Variants in FGFR2 observed in about 807,000 individuals in gnomAD.
FGFR2 encodes fibroblast growth factor receptor 2, also known as BEK fibroblast growth factor receptor.
Under a neutral mutation model 95.9 loss-of-function variants are expected in FGFR2, and 19 were observed. The observed-to-expected ratio is 0.20, with a 90% CI of 0.14 to 0.29. The LOEUF (loss-of-function observed/expected upper bound fraction) is 0.29, where lower values mean the gene tolerates loss of function less well. Among genes scored for constraint, FGFR2 ranks in the 10% least tolerant of loss-of-function variants. The pLI is 1.00. For synonymous variants in FGFR2, 392 were observed against 393.3 expected (o/e 1.00, Z 0.04); for missense variants, 707 against 1,056.9 (o/e 0.67, Z 4.59).
rs780299909 is a variant in FGFR2, at chr10:121,564,491, C to G, written c.454+11G>C. On this transcript the variant is annotated intron_variant, in intron 4 of 17. Transcript: ENST00000358487. ...TCTCTCGGGGACCATCGGAGCCGGGCAGTTACTTACTCTTGTTGTTACTGT... is the reference window on the plus strand; with the variant it reads ...TCTCTCGGGGACCATCGGAGCCGGGGAGTTACTTACTCTTGTTGTTACTGT... 3 of 1,612,712 alleles carry G rather than the reference C, an allele frequency of 1.9e-6. No homozygotes were observed. The highest frequency in any genetic ancestry group is 1.7e-6 in the Non-Finnish European group (2 of 1,178,978).
intron 1 of FGFR2, among the ~76,000 whole-genome samples, chr10:121,597,516 G>A (rs968644589): frequency 6.6e-6 from 1 of 152,154 alleles, no homozygotes; most frequent in African/African-American, 2.4e-5. Context: ...TCCCGAAAAA[G>A]GGGTCTCCGC....
chr10:121,543,332 A>T (rs1430825812), intron 5 of FGFR2, among the ~76,000 whole-genome samples: 2 of 152,194 alleles, frequency 1.3e-5, no homozygotes, highest in East Asian at 3.9e-4. Flanking sequence ...CAACATGGTG[A>T]AACTCTGTCT....
At chr10:121,565,817 T>C in intron 2 of FGFR2, 113 bp from the exon 3 acceptor site, 1 of 1,333,384 alleles carries the variant, frequency 7.5e-7, no homozygotes, top group Non-Finnish European at 1.1e-6. Context: ...CTGTTCTTGC[T>C]CTGCAAATGG....
At position 121,593,837 on chromosome 10, in the gene FGFR2, G is replaced by A. The variant is rs759620495; in HGVS notation, c.-20C>T. 2.4e-5 allele frequency: 38 copies of A among 1,605,686 alleles called. No individual in the cohort carries two copies. Among genetic ancestry groups the A allele is most frequent in the South Asian group, 2.1e-4 (19 of 90,880 alleles). On this transcript the variant is annotated 5_prime_UTR_variant, in exon 2 of 18. Coordinates refer to ENST00000358487, the MANE Select transcript of FGFR2 (RefSeq NM_000141.5). ...GACCATGGTTACGGTACCAATCCCC[G>A]GTCCTCTTCCATATCTCCATGTGGA... is the stretch of plus-strand genomic sequence containing the variant.
intron 2 of FGFR2, among the ~76,000 whole-genome samples, chr10:121,588,334 C>T (rs1219645): frequency 1 from 151,408 of 152,044 alleles, 75,392 homozygotes; most frequent in Middle Eastern, 1. Flanking sequence ...ATCTGTACAA[C>T]GAACCCCCAT....
At chr10:121,592,525 G>A (rs919259235) in intron 2 of FGFR2, among the ~76,000 whole-genome samples, 7 of 152,058 alleles carry the variant, frequency 4.6e-5, no homozygotes, top group African/African-American at 4.8e-5. Context: ...TAAGTGCTTC[G>A]GTCCTCATCC....
rs41295555 is a variant in FGFR2, at chr10:121,518,997, G to A, written c.939+982C>T. On this transcript the variant is annotated intron_variant, in intron 7 of 17. Coordinates refer to ENST00000358487, the MANE Select transcript of FGFR2 (RefSeq NM_000141.5). The surrounding 1 kb of genome is among the most constrained non-coding windows in gnomAD (Gnocchi z 4.0). ...CAAAATCAGTCCAGTGGTGGACAAC[G>A]GAAAGACCTGGTGGAGAGAAGGGCA... Among the ~76,000 whole-genome samples the A allele has an allele frequency of 6.7e-3, 1,015 of 152,300 alleles. 11 individuals are homozygous for A. Among genetic ancestry groups the A allele is most frequent in the African/African-American group, 0.023 (974 of 41,554 alleles).
intron 2 of FGFR2, among the ~76,000 whole-genome samples, chr10:121,586,031 C>A (rs1861770437): frequency 6.6e-6 from 1 of 152,122 alleles, no homozygotes; most frequent in East Asian, 1.9e-4. Context: ...TTATAGTACA[C>A]CCCCCTGAGC....
intron 4 of FGFR2, among the ~76,000 whole-genome samples, chr10:121,556,526 A>C (rs1166145149): frequency 6.6e-6 from 1 of 151,970 alleles, no homozygotes; most frequent in African/African-American, 2.4e-5. Flanking sequence ...CTCGGTGACC[A>C]TCTGGCCCAA....
rs373117312 is a variant in FGFR2, at chr10:121,485,371, G to A, written c.2195+24C>T. ...GGTGTGGCAAGTCCACTGGGGCACC[G>A]GCAGGAAAGACAACAGCCCTTACAG... On this transcript the variant is annotated intron_variant, in intron 16 of 17. Coordinates refer to ENST00000358487, the MANE Select transcript of FGFR2 (RefSeq NM_000141.5). The surrounding 1 kb of genome is among the most constrained non-coding windows in gnomAD (Gnocchi z 4.2). The A allele has an allele frequency of 1.2e-4, 186 of 1,613,966 alleles. No homozygotes were observed. Among genetic ancestry groups the A allele is most frequent in the African/African-American group, 4.5e-4 (34 of 74,986 alleles).
chr10:121,493,147 G>A (rs947857730), intron 13 of FGFR2, among the ~76,000 whole-genome samples: 16 of 152,248 alleles, frequency 1.1e-4, no homozygotes, highest in African/African-American at 3.1e-4. Flanking sequence ...ACCTATTTCC[G>A]GGTTGTTCTG....
chr10:121,499,666 G>A (rs922178944), intron 11 of FGFR2, among the ~76,000 whole-genome samples: 2 of 152,210 alleles, frequency 1.3e-5, no homozygotes, highest in African/African-American at 4.8e-5. Flanking sequence ...AAAACCAGAA[G>A]TTCCGCCAAA....
chr10:121,526,723 A>C, intron 6 of FGFR2: 1 of 398,648 alleles, frequency 2.5e-6, no homozygotes. Flanking sequence ...GGGCACCCAG[A>C]ATCACCTGTT....
At chr10:121,596,467 C>G (rs1479387595) in intron 1 of FGFR2, 1 of 191,108 alleles carries the variant, frequency 5.2e-6, no homozygotes, top group Non-Finnish European at 1.1e-5. Context: ...GGCTCGGCCA[C>G]TGGGATCACC....
chr10:121,564,692 C>T, intron 3 of FGFR2, 113 bp from the exon 4 acceptor site: 1 of 894,038 alleles, frequency 1.1e-6, no homozygotes, highest in Admixed American at 1.9e-5. Flanking sequence ...GGAACCCTCG[C>T]AAAGAGCCTG....
At chr10:121,537,217 A>G (rs2134574657) in intron 6 of FGFR2, among the ~76,000 whole-genome samples, 2 of 152,346 alleles carry the variant, frequency 1.3e-5, no homozygotes, top group East Asian at 3.9e-4. Context: ...GGACCTATCA[A>G]ATTTCACATG....
rs200678566 is a variant in FGFR2 at position 121,526,699 on chromosome 10, TG to T, written c.749-6531del. ...CTTGTCACCTCCTAGAATAGATGAG[TG>T]GGCTGGGATGCTGGGCACCCAGAAT... On this transcript the variant is annotated intron_variant, in intron 6 of 17. Transcript: ENST00000358487. 1.6e-3 allele frequency: 631 copies of T among 398,524 alleles called. 11 individuals carry two copies. The East Asian group carries it at 0.02, about 13-fold the overall frequency. The allele number at this position is 398,524 out of a possible 1,614,324, so 24.7% of individuals were successfully genotyped here.
chr10:121,587,032 T>C (rs867251973), intron 2 of FGFR2, among the ~76,000 whole-genome samples: 1 of 152,172 alleles, frequency 6.6e-6, no homozygotes, highest in Non-Finnish European at 1.5e-5. Flanking sequence ...AGCATGGTAC[T>C]GGTATAAAAA....
chr10:121,545,576 A>G (rs1030871228), intron 5 of FGFR2, among the ~76,000 whole-genome samples: 10 of 152,308 alleles, frequency 6.6e-5, no homozygotes, highest in Admixed American at 1.3e-4. Context: ...TCCTCATCAA[A>G]GACTGCTTGA....
Sources: allele counts gnomAD v4.1 joint callset (sites outside exome capture counted in the v4.1 genomes callset), GRCh38; gene constraint gnomAD v4.1.1; non-coding constraint Gnocchi (gnomAD v3.1); transcripts MANE v1.5; gene names NCBI Gene and HGNC (gene_info 2026-07-23, HGNC 2026-07-21).